Variants in ABCA13 observed in about 807,000 individuals in gnomAD.
ABCA13 encodes ATP-binding cassette sub-family A member 13.
In ABCA13, 476 loss-of-function variants were observed where a neutral mutation model predicts 478.7. That is an observed-to-expected ratio of 0.99 (90% CI 0.92 to 1.07). The LOEUF is 1.07. Among genes scored for constraint, ABCA13 ranks in the 50% least tolerant of loss-of-function variants. The probability of loss-of-function intolerance (pLI) is 0.00; values close to 1 mark genes in which losing one functional copy is unlikely to be tolerated. For synonymous variants in ABCA13, 2,252 were observed against 2,158.9 expected (o/e 1.04, Z -1.20); for missense variants, 6,060 against 5,910.6 (o/e 1.03, Z -0.83).
At chr7:48,506,415 T>C (rs12669976) in intron 49 of ABCA13, 25 bp downstream of exon 49, 147,670 of 1,608,950 alleles carry the variant, frequency 0.092, 8,417 homozygotes, top group African/African-American at 0.24. Context: ...TGCTGAGGGG[T>C]GTGTGACCCT....
At chr7:48,544,680 T>C (rs2131151610) in intron 55 of ABCA13, among the ~76,000 whole-genome samples, 1 of 151,958 alleles carries the variant, frequency 6.6e-6, no homozygotes, top group Non-Finnish European at 1.5e-5. Flanking sequence ...TAATAGTCTT[T>C]GTAATAAACT....
chr7:48,457,956 C>CA (rs1338119530), intron 43 of ABCA13, among the ~76,000 whole-genome samples: 12 of 152,262 alleles, frequency 7.9e-5, no homozygotes, highest in African/African-American at 2.9e-4. Flanking sequence ...CAGTGATAGT[C>CA]AAAAATTAGT....
chr7:48,622,278 C>G (rs1793211301), intron 59 of ABCA13, among the ~76,000 whole-genome samples: 1 of 152,142 alleles, frequency 6.6e-6, no homozygotes, highest in Non-Finnish European at 1.5e-5. Flanking sequence ...TCTGCCGAAC[C>G]TTCTCTCTCC....
At chr7:48,270,665 C>A (rs1795476288) in intron 16 of ABCA13, among the ~76,000 whole-genome samples, 2 of 152,092 alleles carry the variant, frequency 1.3e-5, no homozygotes, top group South Asian at 2.1e-4. Context: ...TAAATTAAGA[C>A]CATATTTTTG....
At chr7:48,391,037 A>G (rs1815968894) in intron 37 of ABCA13, among the ~76,000 whole-genome samples, 1 of 152,138 alleles carries the variant, frequency 6.6e-6, no homozygotes, top group African/African-American at 2.4e-5. Context: ...TAAATAATAA[A>G]CTTCCTGAAA....
chr7:48,250,329 A>G (rs1792354215), intron 15 of ABCA13, among the ~76,000 whole-genome samples: 1 of 152,170 alleles, frequency 6.6e-6, no homozygotes, highest in Admixed American at 6.5e-5. Context: ...ATCACTGGAC[A>G]TTAGTGATTG....
At chr7:48,343,829 C>T (rs1807636523) in intron 29 of ABCA13, among the ~76,000 whole-genome samples, 1 of 152,054 alleles carries the variant, frequency 6.6e-6, no homozygotes, top group Non-Finnish European at 1.5e-5. Flanking sequence ...ACATTGTCCT[C>T]CATTACTCTA....
At chr7:48,379,431 A>C (rs1211661297) in intron 35 of ABCA13, among the ~76,000 whole-genome samples, 1 of 152,176 alleles carries the variant, frequency 6.6e-6, no homozygotes. Context: ...TGGATAATGA[A>C]AACTACCTGC....
At chr7:48,633,854 A>G (rs1042356601) in intron 59 of ABCA13, among the ~76,000 whole-genome samples, 1 of 151,984 alleles carries the variant, frequency 6.6e-6, no homozygotes, top group Non-Finnish European at 1.5e-5. Context: ...GCACTGCTGC[A>G]CTCCACTCTG....
intron 5 of ABCA13, among the ~76,000 whole-genome samples, chr7:48,226,589 C>G (rs770438561): frequency 9.2e-5 from 14 of 152,178 alleles, no homozygotes; most frequent in Non-Finnish European, 1.9e-4. Context: ...AGAAGAGAAC[C>G]AGCAACTGTG....
chr7:48,575,330 A>G (rs912536114), intron 55 of ABCA13, among the ~76,000 whole-genome samples: 1 of 152,120 alleles, frequency 6.6e-6, no homozygotes, highest in African/African-American at 2.4e-5. Context: ...AAAAGTTGAT[A>G]CTCTAAAGAC....
chr7:48,312,955 C>T (rs1563026965), intron 24 of ABCA13, 112 bp from the exon 25 acceptor site: 1 of 1,173,682 alleles, frequency 8.5e-7, no homozygotes, highest in Non-Finnish European at 1.1e-6. Flanking sequence ...CTCTGAAGTT[C>T]AAGAGAGAAT....
chr7:48,563,776 G>A, intron 55 of ABCA13, among the ~76,000 whole-genome samples: 1 of 147,194 alleles, frequency 6.8e-6, no homozygotes, highest in South Asian at 2.2e-4. Flanking sequence ...TCTAGCTTTT[G>A]TTGTTTTTGT....
chr7:48,322,586 G>C (rs547527501), intron 27 of ABCA13, among the ~76,000 whole-genome samples: 302 of 152,278 alleles, frequency 2.0e-3, no homozygotes, highest in Non-Finnish European at 3.0e-3. Flanking sequence ...GGCAGCCGGT[G>C]CTCCTACCTC....
chr7:48,563,183 C>T (rs2131274987), intron 55 of ABCA13, among the ~76,000 whole-genome samples: 1 of 152,266 alleles, frequency 6.6e-6, no homozygotes, highest in Admixed American at 6.5e-5. Flanking sequence ...AGTCATGCAG[C>T]ATTTCTCTTC....
At chr7:48,393,235 A>C (rs1816331119) in intron 38 of ABCA13, among the ~76,000 whole-genome samples, 1 of 152,206 alleles carries the variant, frequency 6.6e-6, no homozygotes, top group African/African-American at 2.4e-5. Flanking sequence ...ACATTAATCC[A>C]GTGCTGGGGT....
chr7:48,635,130 G>A (rs1263719469), intron 59 of ABCA13, among the ~76,000 whole-genome samples: 2 of 149,534 alleles, frequency 1.3e-5, no homozygotes, highest in Admixed American at 1.3e-4. Context: ...CTGTATCTCC[G>A]ATGAATCTAT....
chr7:48,513,912 G>A (rs1831906303), intron 51 of ABCA13, among the ~76,000 whole-genome samples: 1 of 152,124 alleles, frequency 6.6e-6, no homozygotes, highest in African/African-American at 2.4e-5. Flanking sequence ...CATTCATCTA[G>A]CAATAGGAAC....
intron 3 of ABCA13, among the ~76,000 whole-genome samples, chr7:48,215,510 C>G (rs1478513569): frequency 2.6e-5 from 4 of 152,126 alleles, no homozygotes; most frequent in Admixed American, 6.6e-5. Context: ...TGAGCACATG[C>G]TGTTGGAGAA....
Sources: gnomAD v4.1 joint callset for allele counts (sites outside exome capture counted in the v4.1 genomes callset) on GRCh38, gnomAD v4.1.1 for gene constraint, MANE v1.5 for transcripts, NCBI Gene and HGNC (gene_info 2026-07-23, HGNC 2026-07-21) for gene names.